Variants in FBXO42 observed in about 807,000 individuals in gnomAD.
The protein encoded by FBXO42 is F-box protein 42, also known as F-box only protein 42.
A neutral mutation model predicts 71.7 loss-of-function variants in FBXO42; 12 were observed. The observed-to-expected ratio is 0.17, with a 90% CI of 0.11 to 0.27. The LOEUF is 0.27. Ranked by LOEUF, FBXO42 falls within the 10% of genes least tolerant of loss-of-function variation. FBXO42 has a pLI of 1.00. For synonymous variants in FBXO42, 325 were observed against 327.5 expected (o/e 0.99, Z 0.08); for missense variants, 707 against 911.9 (o/e 0.78, Z 2.89).
intron 4 of FBXO42, among the ~76,000 whole-genome samples, chr1:16,269,034 C>T (rs570545080): frequency 2.0e-5 from 3 of 151,644 alleles, no homozygotes; most frequent in Admixed American, 6.6e-5. Flanking sequence ...TGGTCTCGAA[C>T]TCCTGACCTC....
At chr1:16,344,003 T>C (rs1030578090) in intron 1 of FBXO42, among the ~76,000 whole-genome samples, 2 of 151,560 alleles carry the variant, frequency 1.3e-5, no homozygotes, top group East Asian at 3.9e-4. Flanking sequence ...GGGATCTTTT[T>C]TTTATTTTTT....
chr1:16,261,727 C>T (rs1462149515), intron 4 of FBXO42, among the ~76,000 whole-genome samples: 2 of 151,384 alleles, frequency 1.3e-5, no homozygotes, highest in East Asian at 1.9e-4. Flanking sequence ...GTTTTTGAGA[C>T]GCGTCTCACT....
chr1:16,270,578 C>T (rs972254657), intron 4 of FBXO42, among the ~76,000 whole-genome samples: 5 of 147,682 alleles, frequency 3.4e-5, no homozygotes, highest in Non-Finnish European at 5.9e-5. Flanking sequence ...GTGGCTCACG[C>T]CTGTAATCCC....
At chr1:16,326,479 TTC>T (rs150220947) in intron 1 of FBXO42, among the ~76,000 whole-genome samples, 1,598 of 150,086 alleles carry the variant, frequency 0.011, 17 homozygotes, top group South Asian at 0.03. Flanking sequence ...AGTTCAGGAG[TTC>T]AAGACCAGCC....
At chr1:16,334,438 A>G (rs940493675) in intron 1 of FBXO42, among the ~76,000 whole-genome samples, 1 of 151,766 alleles carries the variant, frequency 6.6e-6, no homozygotes, top group Non-Finnish European at 1.5e-5. Context: ...AAAAAAAAAA[A>G]AACAGACTGA....
At position 16,322,054 on chromosome 1, in the gene FBXO42, C is replaced by T. The variant is rs571322631; in HGVS notation, c.-17-6619G>A. Among the ~76,000 whole-genome samples the T allele has an allele frequency of 2.0e-5, 3 of 152,068 alleles. No individual in the cohort carries two copies. The South Asian group carries it at 6.2e-4, about 32-fold the overall frequency. ...GCGTGGTGGCAGGCGCCTGTAATCC[C>T]AGCTACCTGGGACATGTAAAAAAAA... On this transcript the variant is annotated intron_variant, in intron 1 of 9. Transcript: ENST00000375592.
intron 1 of FBXO42, among the ~76,000 whole-genome samples, chr1:16,341,318 T>G (rs763670156): frequency 6.6e-6 from 1 of 152,170 alleles, no homozygotes; most frequent in Non-Finnish European, 1.5e-5. Flanking sequence ...AAAGTGGTAG[T>G]AGGCTGGAAG....
At chr1:16,270,302 C>G (rs1484611880) in intron 4 of FBXO42, among the ~76,000 whole-genome samples, 1 of 152,206 alleles carries the variant, frequency 6.6e-6, no homozygotes, top group African/African-American at 2.4e-5. Context: ...TAACTTTCAA[C>G]ACATGTTTCA....
chr1:16,276,107 T>C (rs4661732), intron 4 of FBXO42, among the ~76,000 whole-genome samples: 53,029 of 151,288 alleles, frequency 0.35, 9,728 homozygotes, highest in African/African-American at 0.41. Context: ...CTTGGCAGGG[T>C]GCGGTGGCTC....
intron 1 of FBXO42, among the ~76,000 whole-genome samples, chr1:16,349,277 C>G (rs2082678828): frequency 6.6e-6 from 1 of 152,150 alleles, no homozygotes; most frequent in Non-Finnish European, 1.5e-5. Flanking sequence ...TGGTTGGATT[C>G]AGTGCACTTC....
In FBXO42 at chr1:16,261,095, T is replaced by C. The variant is rs2081706831; in HGVS notation, c.503-4336A>G. 2.6e-5 allele frequency among the ~76,000 whole-genome samples: 4 copies of C among 152,372 alleles called. No individual in the cohort carries two copies. The South Asian group carries it at 8.3e-4, about 32-fold the overall frequency. On this transcript the variant is annotated intron_variant, in intron 4 of 9. Coordinates refer to ENST00000375592, the MANE Select transcript of FBXO42 (RefSeq NM_018994.3). Reference sequence around the variant, plus strand: ...GAATAGTTGCCACAAACAAGTCTGATGCCTTAAAAGGTCTAGTGTTTCAAA... The same window carrying C: ...GAATAGTTGCCACAAACAAGTCTGACGCCTTAAAAGGTCTAGTGTTTCAAA...
chr1:16,350,269 G>A (rs1427689658), intron 1 of FBXO42, among the ~76,000 whole-genome samples: 1 of 152,060 alleles, frequency 6.6e-6, no homozygotes, highest in Non-Finnish European at 1.5e-5. Flanking sequence ...ATTATGCCAA[G>A]AAGCATAATG....
intron 1 of FBXO42, among the ~76,000 whole-genome samples, chr1:16,340,886 AG>A (rs1348414792): frequency 1.3e-5 from 2 of 152,222 alleles, no homozygotes; most frequent in African/African-American, 4.8e-5. Context: ...GCCAATGAGT[AG>A]CAAAAATAGA....
At chr1:16,292,548 T>C (rs961871552) in intron 4 of FBXO42, 1 of 151,998 alleles carries the variant, frequency 6.6e-6, no homozygotes, top group East Asian at 1.9e-4. Context: ...CCTTCTGCCT[T>C]GGCCTCCTAA....
Position 16,252,075 on chromosome 1 carries a change from T to C in FBXO42, c.1038+213A>G, listed in dbSNP as rs1405825045. Among the ~76,000 whole-genome samples, 3 of 152,192 alleles carry C rather than the reference T, an allele frequency of 2.0e-5. No individual in the cohort carries two copies. The East Asian group carries it at 5.8e-4, about 29-fold the overall frequency. ...AGGGAAAGTTTCACAGACAAACAGATGCTTAAAGTTGGGACTTACTGAATG... is the reference window on the plus strand; with the variant it reads ...AGGGAAAGTTTCACAGACAAACAGACGCTTAAAGTTGGGACTTACTGAATG... On this transcript the variant is annotated intron_variant, in intron 9 of 9. Coordinates refer to ENST00000375592, the MANE Select transcript of FBXO42 (RefSeq NM_018994.3). The surrounding 1 kb of genome is among the most constrained non-coding windows in gnomAD (Gnocchi z 4.4).
intron 4 of FBXO42, among the ~76,000 whole-genome samples, chr1:16,269,391 T>A (rs1303802028): frequency 6.6e-6 from 1 of 150,704 alleles, no homozygotes; most frequent in African/African-American, 2.4e-5. Flanking sequence ...ACCCAGACTT[T>A]TTTTTTTTTT....
chr1:16,322,039 A>G (rs951738615), intron 1 of FBXO42, among the ~76,000 whole-genome samples: 2 of 151,836 alleles, frequency 1.3e-5, no homozygotes, highest in Non-Finnish European at 2.9e-5. Context: ...GCGTGGTGGC[A>G]GGCGCCTGTA....
intron 1 of FBXO42, among the ~76,000 whole-genome samples, 151 bp downstream of exon 1, chr1:16,352,104 C>T (rs1390223286): frequency 2.0e-5 from 3 of 152,216 alleles, no homozygotes; most frequent in African/African-American, 7.2e-5. Flanking sequence ...ACGGCGATAG[C>T]AAGTCACCCT....
chr1:16,267,431 C>G (rs1033419762), intron 4 of FBXO42, among the ~76,000 whole-genome samples: 2 of 152,036 alleles, frequency 1.3e-5, no homozygotes, highest in African/African-American at 4.8e-5. Context: ...AGATTCTCCC[C>G]AGTAAGACTA....
Sources: gnomAD v4.1 joint callset for allele counts (sites outside exome capture counted in the v4.1 genomes callset) on GRCh38, gnomAD v4.1.1 for gene constraint, Gnocchi (gnomAD v3.1) non-coding constraint, MANE v1.5 for transcripts, NCBI Gene and HGNC (gene_info 2026-07-23, HGNC 2026-07-21) for gene names.